GMDS: variants seen among roughly 807,000 people sequenced by gnomAD.
The protein encoded by GMDS is GDP-mannose 4,6 dehydratase.
In GMDS, 20 loss-of-function variants were observed where a neutral mutation model predicts 49.9. The ratio of observed to expected loss-of-function variants is 0.40; its 90% confidence interval spans 0.28 to 0.58. The LOEUF (loss-of-function observed/expected upper bound fraction) is 0.58, where lower values mean the gene tolerates loss of function less well. Among genes scored for constraint, GMDS ranks in the 20% least tolerant of loss-of-function variants. The pLI is 0.42. For missense variants in GMDS, 362 were observed against 481.4 expected (o/e 0.75, Z 2.32); for synonymous variants, 177 against 178.6 (o/e 0.99, Z 0.07).
At chr6:1,816,179 C>T (rs993213296) in intron 7 of GMDS, among the ~76,000 whole-genome samples, 1 of 152,200 alleles carries the variant, frequency 6.6e-6, no homozygotes, top group South Asian at 2.1e-4. Flanking sequence ...ACCATTCATT[C>T]GCCTATCTAT....
At chr6:2,164,898 T>A (rs1777586559) in intron 1 of GMDS, among the ~76,000 whole-genome samples, 1 of 152,236 alleles carries the variant, frequency 6.6e-6, no homozygotes, top group Non-Finnish European at 1.5e-5. Flanking sequence ...AACCAGCCAA[T>A]CTCACCGTAT....
In GMDS at chr6:2,187,532, C is replaced by T. The variant is rs558480353; in HGVS notation, c.102+57789G>A. Among the ~76,000 whole-genome samples the T allele has an allele frequency of 3.9e-5, 6 of 152,312 alleles. No individual in the cohort carries two copies. In the South Asian group the frequency reaches 1.2e-3, roughly 32 times the overall value. ...TAGAAAAAATTTACATTGAGAGATA[C>T]AGTGCTTGCTATGCCTCATTTCACT... On this transcript the variant is annotated intron_variant, in intron 1 of 10. Transcript: ENST00000380815.
chr6:2,002,813 C>A (rs1275550622), intron 4 of GMDS, among the ~76,000 whole-genome samples: 2 of 152,108 alleles, frequency 1.3e-5, no homozygotes, highest in South Asian at 2.1e-4. Context: ...AAGTGTTACA[C>A]CTGTAAAAAA....
chr6:1,749,763 T>C (rs1418791770), intron 7 of GMDS, among the ~76,000 whole-genome samples: 1 of 152,214 alleles, frequency 6.6e-6, no homozygotes, highest in Non-Finnish European at 1.5e-5. Context: ...GCAAAATTCA[T>C]AGCCTGTGTG....
At chr6:2,184,764 G>C (rs939872294) in intron 1 of GMDS, among the ~76,000 whole-genome samples, 1 of 152,068 alleles carries the variant, frequency 6.6e-6, no homozygotes, top group African/African-American at 2.4e-5. Context: ...CTCATTATCA[G>C]CATTAACAGT....
intron 4 of GMDS, among the ~76,000 whole-genome samples, chr6:2,051,478 A>G (rs895773371): frequency 6.6e-6 from 1 of 152,232 alleles, no homozygotes. Flanking sequence ...TAAACCATCT[A>G]TATATTCCGG....
intron 1 of GMDS, among the ~76,000 whole-genome samples, chr6:2,189,367 T>G (rs769391482): frequency 3.3e-5 from 5 of 152,072 alleles, no homozygotes; most frequent in Non-Finnish European, 7.4e-5. Flanking sequence ...GGGAGAGATT[T>G]AGAGATATCA....
chr6:1,700,497 C>T (rs551569930), intron 9 of GMDS, among the ~76,000 whole-genome samples: 3 of 152,304 alleles, frequency 2.0e-5, no homozygotes, highest in Non-Finnish European at 4.4e-5. Context: ...ATTAGTTTCT[C>T]CCCTGGGAGA....
chr6:1,884,251 T>C (rs1030373368), intron 7 of GMDS, among the ~76,000 whole-genome samples: 2 of 152,224 alleles, frequency 1.3e-5, no homozygotes, highest in African/African-American at 4.8e-5. Flanking sequence ...TTGGGAGAAT[T>C]ATCCAAAGAC....
At chr6:1,913,186 C>T (rs1379701989) in intron 7 of GMDS, among the ~76,000 whole-genome samples, 1 of 151,700 alleles carries the variant, frequency 6.6e-6, no homozygotes, top group African/African-American at 2.4e-5. Flanking sequence ...TCGAGACCAT[C>T]CCGGCTAAAA....
chr6:2,142,364 T>A (rs1776343412), intron 1 of GMDS, among the ~76,000 whole-genome samples: 1 of 152,022 alleles, frequency 6.6e-6, no homozygotes, highest in Non-Finnish European at 1.5e-5. Context: ...TTAGTTAAGA[T>A]TAGGTCATAC....
chr6:1,732,821 G>A (rs1361166859), intron 8 of GMDS, among the ~76,000 whole-genome samples: 1 of 152,278 alleles, frequency 6.6e-6, no homozygotes, highest in East Asian at 1.9e-4. Context: ...GAGAACTCCT[G>A]TAGAATGATT....
intron 1 of GMDS, among the ~76,000 whole-genome samples, chr6:2,142,680 T>C (rs1253462896): frequency 2.6e-5 from 4 of 152,182 alleles, no homozygotes; most frequent in Non-Finnish European, 4.4e-5. Context: ...CCACCCAGTC[T>C]GTGGTACTTT....
At chr6:2,033,930 C>T (rs760214160) in intron 4 of GMDS, among the ~76,000 whole-genome samples, 3 of 151,954 alleles carry the variant, frequency 2.0e-5, no homozygotes, top group East Asian at 1.9e-4. Flanking sequence ...TGTACCAGTC[C>T]GGAGGCATAT....
chr6:2,201,623 C>G (rs188107405), intron 1 of GMDS, among the ~76,000 whole-genome samples: 1 of 125,334 alleles, frequency 8.0e-6, no homozygotes, highest in Non-Finnish European at 1.7e-5. Flanking sequence ...CATGGACATC[C>G]GAGATGAAAC....
At chr6:1,753,666 A>G (rs766637608) in intron 7 of GMDS, among the ~76,000 whole-genome samples, 33 of 152,236 alleles carry the variant, frequency 2.2e-4, no homozygotes, top group Non-Finnish European at 3.5e-4. Flanking sequence ...ATGCAAAAGC[A>G]TGGAAATCAT....
chr6:2,190,905 CTCA>C (rs1425812388), intron 1 of GMDS, among the ~76,000 whole-genome samples: 1 of 152,102 alleles, frequency 6.6e-6, no homozygotes, highest in Non-Finnish European at 1.5e-5. Flanking sequence ...TGCCCCCACC[CTCA>C]TGTGGCCAGG....
intron 4 of GMDS, among the ~76,000 whole-genome samples, chr6:2,000,257 C>G (rs953761148): frequency 4.0e-5 from 6 of 149,848 alleles, no homozygotes; most frequent in African/African-American, 1.2e-4. Context: ...GGATGGTCTC[C>G]ATCTCCTGAC....
At chr6:1,834,814 AC>A (rs1756848944) in intron 7 of GMDS, among the ~76,000 whole-genome samples, 1 of 152,176 alleles carries the variant, frequency 6.6e-6, no homozygotes, top group African/African-American at 2.4e-5. Flanking sequence ...GGTCCCGGGA[AC>A]CCTGTTTGTT....
Sources: allele counts gnomAD v4.1 joint callset (sites outside exome capture counted in the v4.1 genomes callset), GRCh38; gene constraint gnomAD v4.1.1; transcripts MANE v1.5; gene names NCBI Gene and HGNC (gene_info 2026-07-23, HGNC 2026-07-21).